The following PIEZO2 variants were observed in gnomAD, a reference collection of about 807,000 sequenced individuals.
PIEZO2 encodes piezo type mechanosensitive ion channel component 2, also known as piezo-type mechanosensitive ion channel component 2.
In PIEZO2, 172 loss-of-function variants were observed where a neutral mutation model predicts 337.3. The observed-to-expected ratio is 0.51, with a 90% CI of 0.45 to 0.58. The LOEUF (loss-of-function observed/expected upper bound fraction) is 0.58, where lower values mean the gene tolerates loss of function less well. PIEZO2 is among the 20% of genes least tolerant of loss of function. The probability of loss-of-function intolerance (pLI) is 0.00; values close to 1 mark genes in which losing one functional copy is unlikely to be tolerated. For missense variants in PIEZO2, 3,028 were observed against 3,391.3 expected, an observed-to-expected ratio of 0.89 and a Z score of 2.66; for synonymous variants, 1,251 against 1,228.5, an observed-to-expected ratio of 1.02 and a Z score of -0.38.
chr18:10,687,167 T>C (rs571099271), intron 49 of PIEZO2, among the ~76,000 whole-genome samples: 2 of 152,292 alleles, frequency 1.3e-5, no homozygotes, highest in East Asian at 3.9e-4. Context: ...GTGCAGGATG[T>C]GCAGGTTTGT....
intron 1 of PIEZO2, among the ~76,000 whole-genome samples, chr18:11,133,846 TATAC>T (rs1469321998): frequency 6.6e-6 from 1 of 151,394 alleles, no homozygotes; most frequent in African/African-American, 2.4e-5. Flanking sequence ...CCTATATATA[TATAC>T]ACTTAATAAA....
rs1321405433 is a variant in PIEZO2, at chr18:10,697,766, T to C, written c.6809A>G (p.Lys2270Arg). The change falls in exon 45 of 56, where the codon AAA becomes AGA. Residue 2270 changes from lysine (K) to arginine (R), a missense_variant. Transcript: ENST00000674853. ...EKLQEHLIKA[K>R]AFTIKKTLEI... The stretch of plus-strand genomic sequence containing the variant: ...GACTCACTTCTTTATGGTAAAGGCT[T>C]TTGCTTTGATTAAATGTTCTTGAAG... 1.2e-6 allele frequency: 2 copies of C among 1,614,130 alleles called. No homozygotes were observed. Among genetic ancestry groups the C allele is most frequent in the Non-Finnish European group, 1.7e-6 (2 of 1,180,044 alleles).
Position 10,850,057 on chromosome 18 carries a change from TC to T in PIEZO2, c.917+5295del. On this transcript the variant is annotated intron_variant, in intron 7 of 55. Transcript: ENST00000674853. This position sits in a 1 kb window ranked among gnomAD's most constrained non-coding sequence, Gnocchi z 4.5. Reference sequence around the variant, plus strand: ...CAATTTCAGACCCAGTATCTTAACCTCCCCTAAGTACACCTATCTCTGTCAC... The same window carrying T: ...CAATTTCAGACCCAGTATCTTAACCTCCCTAAGTACACCTATCTCTGTCAC... Among the ~76,000 whole-genome samples, 1 of 152,320 alleles carries T rather than the reference TC, an allele frequency of 6.6e-6. No individual in the cohort carries two copies. The highest frequency in any genetic ancestry group is 2.4e-5 in the African/African-American group (1 of 41,572).
chr18:11,083,974 C>T lies in PIEZO2; in HGVS notation c.65-17752G>A, dbSNP rs1057387413. Among the ~76,000 whole-genome samples, 14 of 152,002 alleles carry T rather than the reference C, an allele frequency of 9.2e-5. 1 individual carries two copies. The highest frequency in any genetic ancestry group is 1.3e-4 in the Non-Finnish European group (9 of 68,024). On this transcript the variant is annotated intron_variant, in intron 1 of 55. Coordinates refer to ENST00000674853, the MANE Select transcript of PIEZO2 (RefSeq NM_001378183.1). The surrounding 1 kb of genome is among the most constrained non-coding windows in gnomAD (Gnocchi z 4.4). ...GGCTGACCAACTGAGGTCAGGAGTT[C>T]AAGACCAGCCTGGCCAATATGGCAA...
At position 11,146,191 on chromosome 18, in the gene PIEZO2, T is replaced by C. The variant is rs569441714; in HGVS notation, c.64+2334A>G. ...TAAAGAAGGCAGCCCCAGGATCTCC[T>C]GGGCAGACTCAGCTGTCCCCGAGGC... On this transcript the variant is annotated intron_variant, in intron 1 of 55. Transcript: ENST00000674853. This position sits in a 1 kb window ranked among gnomAD's most constrained non-coding sequence, Gnocchi z 6.1. 6.6e-6 allele frequency among the ~76,000 whole-genome samples: 1 copy of C among 152,266 alleles called. No individual in the cohort carries two copies. The highest frequency in any genetic ancestry group is 2.1e-4 in the South Asian group (1 of 4,820).
rs11373818 is a variant in PIEZO2 at position 10,781,473 on chromosome 18, TA to T, written c.2493-1108del. Among the ~76,000 whole-genome samples, 17 of 114,576 alleles carry T rather than the reference TA, an allele frequency of 1.5e-4. No homozygotes were observed. The highest frequency in any genetic ancestry group is 2.9e-4 in the South Asian group (1 of 3,494). The allele number at this position is 114,576 out of a possible 152,430, so 75.2% of individuals were successfully genotyped here. ...CAACAGAGCGAGACTCCGTTTCAAA[TA>T]AAAAAAAAAACCAGTAATGAATATT... On this transcript the variant is annotated intron_variant, in intron 17 of 55. Coordinates refer to ENST00000674853, the MANE Select transcript of PIEZO2 (RefSeq NM_001378183.1). This position sits in a 1 kb window ranked among gnomAD's most constrained non-coding sequence, Gnocchi z 4.1.
At position 10,813,438 on chromosome 18, in the gene PIEZO2, C is replaced by A. The variant is rs1205080525; in HGVS notation, c.918-6164G>T. 6.6e-6 allele frequency among the ~76,000 whole-genome samples: 1 copy of A among 152,096 alleles called. No individual in the cohort carries two copies. Among genetic ancestry groups the A allele is most frequent in the Admixed American group, 6.5e-5 (1 of 15,276 alleles). ...TCTCCTCCCAGGCCCTGGAAACCAC[C>A]ATTGTACTTTCTAAATCTGTGAATT... On this transcript the variant is annotated intron_variant, in intron 7 of 55. Coordinates refer to ENST00000674853, the MANE Select transcript of PIEZO2 (RefSeq NM_001378183.1). The surrounding 1 kb of genome is among the most constrained non-coding windows in gnomAD (Gnocchi z 4.2).
At position 10,793,489 on chromosome 18, in the gene PIEZO2, G is replaced by A. The variant is rs1439213057; in HGVS notation, c.1758+1283C>T. On this transcript the variant is annotated intron_variant, in intron 13 of 55. Transcript: ENST00000674853. ...AGAACTGTTAATTTTAGATTCGACAGGAGACAATTCAACTAGTGACTTGGC... is the reference window on the plus strand; with the variant it reads ...AGAACTGTTAATTTTAGATTCGACAAGAGACAATTCAACTAGTGACTTGGC... Among the ~76,000 whole-genome samples the A allele has an allele frequency of 2.6e-5, 4 of 152,156 alleles. No individual in the cohort carries two copies. The South Asian group carries it at 8.3e-4, about 32-fold the overall frequency.
At chr18:10,683,750 C>G (rs1473104627) in intron 49 of PIEZO2, among the ~76,000 whole-genome samples, 1 of 152,216 alleles carries the variant, frequency 6.6e-6, no homozygotes, top group East Asian at 1.9e-4. Flanking sequence ...ACTCCTGTCA[C>G]TCCAACAGCA....
intron 3 of PIEZO2, among the ~76,000 whole-genome samples, chr18:10,976,626 C>CA (rs997176850): frequency 8.0e-5 from 12 of 150,936 alleles, no homozygotes; most frequent in South Asian, 2.1e-4. Context: ...CTGGGGATAG[C>CA]AAAAAAAAGG....
At position 10,720,234 on chromosome 18, in the gene PIEZO2, G is replaced by GTGTGTGTGTA. The variant is rs1225106343; in HGVS notation, c.5030-1976_5030-1975insTACACACACA. Among the ~76,000 whole-genome samples, 7 of 119,914 alleles carry GTGTGTGTGTA rather than the reference G, an allele frequency of 5.8e-5. No individual in the cohort carries two copies. The East Asian group carries it at 8.6e-4, about 15-fold the overall frequency. 78.7% of individuals were successfully genotyped at this position (119,914 alleles called of 152,430 possible). On this transcript the variant is annotated intron_variant, in intron 36 of 55. Coordinates refer to ENST00000674853, the MANE Select transcript of PIEZO2 (RefSeq NM_001378183.1). ...TATATATGAATATATGTGTGTGTGT[G>GTGTGTGTGTA]TATATATATATATATGGAGCCCAGG...
At chr18:11,106,188 G>A (rs570724155) in intron 1 of PIEZO2, among the ~76,000 whole-genome samples, 393 of 151,828 alleles carry the variant, frequency 2.6e-3, no homozygotes, top group African/African-American at 8.5e-3. Context: ...CCGGGTTCAC[G>A]TCATTCTCCT....
intron 3 of PIEZO2, among the ~76,000 whole-genome samples, chr18:10,918,317 G>T (rs455273): frequency 0.58 from 87,280 of 151,780 alleles, 25,915 homozygotes; most frequent in East Asian, 0.81. Flanking sequence ...ATGACACATT[G>T]TTTTTTAAAA....
intron 49 of PIEZO2, among the ~76,000 whole-genome samples, chr18:10,685,081 G>C (rs1282768651): frequency 6.6e-6 from 1 of 152,146 alleles, no homozygotes; most frequent in Non-Finnish European, 1.5e-5. Context: ...AGAGTGAGTG[G>C]CCTGCACTGT....
At chr18:11,120,036 C>T (rs1487095116) in intron 1 of PIEZO2, among the ~76,000 whole-genome samples, 2 of 152,200 alleles carry the variant, frequency 1.3e-5, no homozygotes, top group Admixed American at 6.5e-5. Flanking sequence ...CTCCATCCAT[C>T]AGAATCAGTC....
Position 11,038,280 on chromosome 18 carries a change from G to C in PIEZO2, c.160+27847C>G, listed in dbSNP as rs1263184000. On this transcript the variant is annotated intron_variant, in intron 2 of 55. Transcript: ENST00000674853. The surrounding 1 kb of genome is among the most constrained non-coding windows in gnomAD (Gnocchi z 4.1). ...ATATTCTGCTTGGATAATGTAAATT[G>C]CTTGCAAGAAAAAGCCACAAATCTT... Among the ~76,000 whole-genome samples the C allele has an allele frequency of 6.6e-6, 1 of 151,964 alleles. No homozygotes were observed. Among genetic ancestry groups the C allele is most frequent in the African/African-American group, 2.4e-5 (1 of 41,360 alleles).
Position 11,038,203 on chromosome 18 carries a change from A to G in PIEZO2, c.160+27924T>C, listed in dbSNP as rs1052987996. ...CTAGGTCCTAGTCACCAGAACCACTATACAGTAACACAGCCATAAAAATCA... is the reference window on the plus strand; with the variant it reads ...CTAGGTCCTAGTCACCAGAACCACTGTACAGTAACACAGCCATAAAAATCA... On this transcript the variant is annotated intron_variant, in intron 2 of 55. Coordinates refer to ENST00000674853, the MANE Select transcript of PIEZO2 (RefSeq NM_001378183.1). This position sits in a 1 kb window ranked among gnomAD's most constrained non-coding sequence, Gnocchi z 4.1. Among the ~76,000 whole-genome samples the G allele has an allele frequency of 4.6e-5, 7 of 152,168 alleles. No individual in the cohort carries two copies. Among genetic ancestry groups the G allele is most frequent in the African/African-American group, 1.4e-4 (6 of 41,432 alleles).
At chr18:10,961,418 T>C (rs556618149) in intron 3 of PIEZO2, among the ~76,000 whole-genome samples, 29 of 152,070 alleles carry the variant, frequency 1.9e-4, no homozygotes, top group African/African-American at 6.0e-4. Context: ...TGGGGAAGTG[T>C]GGGAGGAGGC....
In PIEZO2 at chr18:10,707,479, C is replaced by A. The variant is rs1567970276; in HGVS notation, c.5588+796G>T. Reference sequence around the variant, plus strand: ...TGAAAAGAAGATGCCCTCTGACTTGCCACCATGAGCAGTCAAAACGAAACT... The same window carrying A: ...TGAAAAGAAGATGCCCTCTGACTTGACACCATGAGCAGTCAAAACGAAACT... On this transcript the variant is annotated intron_variant, in intron 40 of 55. Transcript: ENST00000674853. This position sits in a 1 kb window ranked among gnomAD's most constrained non-coding sequence, Gnocchi z 4.2. Among the ~76,000 whole-genome samples, 1 of 152,064 alleles carries A rather than the reference C, an allele frequency of 6.6e-6. No individual in the cohort carries two copies. The highest frequency in any genetic ancestry group is 1.5e-5 in the Non-Finnish European group (1 of 68,020).
Sources: gnomAD v4.1 joint callset for allele counts (sites outside exome capture counted in the v4.1 genomes callset) on GRCh38, gnomAD v4.1.1 for gene constraint, Gnocchi (gnomAD v3.1) non-coding constraint, MANE v1.5 for transcripts, NCBI Gene and HGNC (gene_info 2026-07-23, HGNC 2026-07-21) for gene names.